SNX29: variants seen among roughly 807,000 people sequenced by gnomAD.
SNX29 encodes the protein sorting nexin-29.
A neutral mutation model predicts 102.1 loss-of-function variants in SNX29; 78 were observed. The observed-to-expected ratio is 0.76, with a 90% CI of 0.64 to 0.92. SNX29 has a LOEUF of 0.92. Ranked by LOEUF, SNX29 falls within the 40% of genes least tolerant of loss-of-function variation. The pLI, the probability that SNX29 is intolerant of heterozygous loss-of-function variation, is 0.00. For missense variants in SNX29, 1,280 were observed against 1,061.7 expected (o/e 1.21, Z -2.86); for synonymous variants, 580 against 414.5 (o/e 1.40, Z -4.85).
In SNX29 at chr16:12,571,933, G is replaced by A. The variant is rs1567230587; in HGVS notation, c.*3304G>A. 1.9e-6 allele frequency: 2 copies of A among 1,061,988 alleles called. No homozygotes were observed. The highest frequency in any genetic ancestry group is 1.6e-5 in the African/African-American group (1 of 60,852). The allele number at this position is 1,061,988 out of a possible 1,614,324, so 65.8% of individuals were successfully genotyped here. On this transcript the variant is annotated 3_prime_UTR_variant, in exon 21 of 21. Transcript: ENST00000566228. ...CTACTGGCAGGCCCTGGTGAAGGAA[G>A]ACACTTTCAGGGAAGAGGCTCTTAC...
chr16:12,390,345 C>T (rs2083484954), intron 16 of SNX29, among the ~76,000 whole-genome samples: 1 of 152,100 alleles, frequency 6.6e-6, no homozygotes, highest in Non-Finnish European at 1.5e-5. Flanking sequence ...AAGCCGTGCT[C>T]ATCTCCCTTA....
At chr16:12,016,051 G>A (rs988638231) in intron 3 of SNX29, among the ~76,000 whole-genome samples, 1 of 151,602 alleles carries the variant, frequency 6.6e-6, no homozygotes, top group African/African-American at 2.4e-5. Flanking sequence ...TTTTATTAGA[G>A]ACGGGATTTC....
At chr16:12,296,375 G>A (rs1349571845) in intron 15 of SNX29, among the ~76,000 whole-genome samples, 1 of 151,720 alleles carries the variant, frequency 6.6e-6, no homozygotes, top group Non-Finnish European at 1.5e-5. Context: ...CTTATATATG[G>A]GGAGAAGAAA....
chr16:12,282,083 CAAAAAAAAAAA>C (rs758827865), intron 15 of SNX29, among the ~76,000 whole-genome samples: 1 of 62,050 alleles, frequency 1.6e-5, no homozygotes, highest in Non-Finnish European at 2.9e-5. Context: ...GACTCCATCT[CAAAAAAAAAAA>C]AAAAAAAAAA....
intron 15 of SNX29, among the ~76,000 whole-genome samples, chr16:12,346,979 A>G (rs1168023910): frequency 6.6e-6 from 1 of 152,134 alleles, no homozygotes. Context: ...CGGTCACCTA[A>G]ACCTCTGCTT....
At chr16:12,254,252 C>G (rs1170543777) in intron 14 of SNX29, among the ~76,000 whole-genome samples, 1 of 152,016 alleles carries the variant, frequency 6.6e-6, no homozygotes, top group Non-Finnish European at 1.5e-5. Context: ...TTGAAAGCCC[C>G]AAAACTGGAT....
intron 14 of SNX29, among the ~76,000 whole-genome samples, chr16:12,244,714 A>G (rs2142327108): frequency 6.6e-6 from 1 of 152,326 alleles, no homozygotes; most frequent in Non-Finnish European, 1.5e-5. Context: ...CCTGGTATCT[A>G]AATGAAGGAT....
At chr16:12,120,185 G>C (rs913476200) in intron 11 of SNX29, among the ~76,000 whole-genome samples, 2 of 152,174 alleles carry the variant, frequency 1.3e-5, no homozygotes, top group African/African-American at 4.8e-5. Flanking sequence ...GGCAGACAAA[G>C]ATATAAAAAG....
intron 19 of SNX29, among the ~76,000 whole-genome samples, chr16:12,507,725 G>A (rs980844458): frequency 3.9e-5 from 6 of 152,132 alleles, no homozygotes; most frequent in Non-Finnish European, 8.8e-5. Context: ...CAGAACCTTT[G>A]TCTAGAGTAT....
At chr16:12,186,687 C>T (rs2076518987) in intron 13 of SNX29, among the ~76,000 whole-genome samples, 1 of 152,178 alleles carries the variant, frequency 6.6e-6, no homozygotes, top group African/African-American at 2.4e-5. Flanking sequence ...GGAACACCTC[C>T]ACAGCTTCTT....
intron 18 of SNX29, among the ~76,000 whole-genome samples, chr16:12,432,576 G>A (rs2085357268): frequency 6.6e-6 from 1 of 152,226 alleles, no homozygotes; most frequent in African/African-American, 2.4e-5. Context: ...CCAGGGAACA[G>A]CACGCTATGT....
At chr16:12,426,441 G>C (rs2085083200) in intron 18 of SNX29, among the ~76,000 whole-genome samples, 1 of 152,304 alleles carries the variant, frequency 6.6e-6, no homozygotes, top group East Asian at 1.9e-4. Flanking sequence ...AAGATAATGA[G>C]CCGGAAAGTA....
chr16:12,476,432 A>G (rs1282308007), intron 18 of SNX29, among the ~76,000 whole-genome samples: 2 of 98,118 alleles, frequency 2.0e-5, no homozygotes, highest in African/African-American at 7.7e-5. Context: ...ATATATATAT[A>G]TATATATATA....
rs372632177 is a variant in SNX29, at chr16:12,142,557, ATTGT to A, written c.1595+12818_1595+12821del. Among the ~76,000 whole-genome samples the A allele has an allele frequency of 8.2e-3, 1,250 of 151,974 alleles. 8 individuals carry two copies. The highest frequency in any genetic ancestry group is 0.012 in the African/African-American group (485 of 41,456). On this transcript the variant is annotated intron_variant, in intron 13 of 20. Coordinates refer to ENST00000566228, the MANE Select transcript of SNX29 (RefSeq NM_032167.5). ...AATTCAGTCAAGATGAACGATTGAT[ATTGT>A]TTGTTTGTTTGTTTGTTTTTGAGAC...
chr16:12,362,934 G>A (rs2082349523), intron 16 of SNX29, among the ~76,000 whole-genome samples: 1 of 152,174 alleles, frequency 6.6e-6, no homozygotes, highest in Admixed American at 6.5e-5. Context: ...TCAACTCATT[G>A]AGTGAATGAA....
chr16:12,361,803 A>G (rs193262132), intron 16 of SNX29, among the ~76,000 whole-genome samples: 16 of 152,238 alleles, frequency 1.1e-4, no homozygotes, highest in African/African-American at 3.1e-4. Context: ...TAGCATCCCC[A>G]TGCTAAGAAG....
chr16:12,116,182 C>T (rs547620073), intron 11 of SNX29, among the ~76,000 whole-genome samples: 2 of 152,228 alleles, frequency 1.3e-5, no homozygotes, highest in South Asian at 4.2e-4. Flanking sequence ...ACCGCATGTC[C>T]CTGTAATTCC....
intron 13 of SNX29, among the ~76,000 whole-genome samples, chr16:12,158,112 T>C (rs574580945): frequency 1.5e-3 from 228 of 152,086 alleles, no homozygotes; most frequent in African/African-American, 4.7e-3. Flanking sequence ...CAGTTCTCAC[T>C]CTGTTGCCCA....
intron 13 of SNX29, among the ~76,000 whole-genome samples, chr16:12,150,013 G>A (rs948372339): frequency 6.6e-6 from 1 of 152,154 alleles, no homozygotes; most frequent in African/African-American, 2.4e-5. Context: ...GAGTACGTTT[G>A]GGGAACGATT....
Sources: gnomAD v4.1 joint callset for allele counts (sites outside exome capture counted in the v4.1 genomes callset) on GRCh38, gnomAD v4.1.1 for gene constraint, MANE v1.5 for transcripts, NCBI Gene and HGNC (gene_info 2026-07-23, HGNC 2026-07-21) for gene names.